The following IP6K1 variants were observed in gnomAD, a reference collection of about 807,000 sequenced individuals.
IP6K1 encodes ATP:1D-myo-inositol-hexakisphosphate phosphotransferase.
A neutral mutation model predicts 38.3 loss-of-function variants in IP6K1; 13 were observed. The ratio of observed to expected loss-of-function variants is 0.34; its 90% confidence interval spans 0.22 to 0.54. The LOEUF (loss-of-function observed/expected upper bound fraction) is 0.54, where lower values mean the gene tolerates loss of function less well. Ranked by LOEUF, IP6K1 falls within the 20% of genes least tolerant of loss-of-function variation. The probability of loss-of-function intolerance (pLI) is 0.92; values close to 1 mark genes in which losing one functional copy is unlikely to be tolerated. For synonymous variants in IP6K1, 212 were observed against 229.9 expected (o/e 0.92, Z 0.70); for missense variants, 397 against 599.8 (o/e 0.66, Z 3.53).
At chr3:49,732,232 C>T (rs2080568721) in intron 4 of IP6K1, among the ~76,000 whole-genome samples, 1 of 152,126 alleles carries the variant, frequency 6.6e-6, no homozygotes, top group South Asian at 2.1e-4. Flanking sequence ...GCCCAGCTAT[C>T]TTTAACATTT....
intron 1 of IP6K1, among the ~76,000 whole-genome samples, chr3:49,777,962 A>T (rs1305428191): frequency 6.6e-6 from 1 of 152,114 alleles, no homozygotes; most frequent in Non-Finnish European, 1.5e-5. Flanking sequence ...GTCAAAGATC[A>T]GAGATCAGCT....
At chr3:49,736,978 T>C (rs1161369521) in intron 3 of IP6K1, among the ~76,000 whole-genome samples, 1 of 151,934 alleles carries the variant, frequency 6.6e-6, no homozygotes, top group Non-Finnish European at 1.5e-5. Flanking sequence ...TTCACCGTGT[T>C]AGCCAGGATG....
At chr3:49,757,651 C>T (rs372790568) in intron 1 of IP6K1, among the ~76,000 whole-genome samples, 2 of 152,100 alleles carry the variant, frequency 1.3e-5, no homozygotes, top group East Asian at 1.9e-4. Flanking sequence ...GCCTGGAAGG[C>T]GGAGGTTGCA....
intron 1 of IP6K1, among the ~76,000 whole-genome samples, chr3:49,771,188 C>CAAAAAAAA (rs35601566): frequency 1.7e-4 from 12 of 72,446 alleles, no homozygotes; most frequent in East Asian, 4.8e-4. Flanking sequence ...AACTCAGTAA[C>CAAAAAAAA]AAAAAAAAAA....
intron 3 of IP6K1, among the ~76,000 whole-genome samples, chr3:49,733,911 CT>C (rs2080584058): frequency 6.6e-6 from 1 of 152,190 alleles, no homozygotes; most frequent in Non-Finnish European, 1.5e-5. Context: ...AGGAGGATCA[CT>C]TGAGCCCAGG....
At position 49,725,413 on chromosome 3, in the gene IP6K1, T is replaced by TCC. The variant is rs1407420206; in HGVS notation, c.*1707_*1708dup. 6.6e-6 allele frequency: 1 copy of TCC among 152,144 alleles called. No individual in the cohort carries two copies. Among genetic ancestry groups the TCC allele is most frequent in the African/African-American group, 2.4e-5 (1 of 41,392 alleles). The allele number at this position is 152,144 out of a possible 1,614,324, so 9.4% of individuals were successfully genotyped here. A position where few individuals can be genotyped will look rare whatever the true frequency, so the allele number is the denominator to read the frequency against. On this transcript the variant is annotated 3_prime_UTR_variant, in exon 6 of 6. Coordinates refer to ENST00000321599, the MANE Select transcript of IP6K1 (RefSeq NM_153273.4). Reference sequence around the variant, plus strand: ...TTTGTGACCAGAAACAGGCAAGCTGTCCCTCCCAGCCCCAAAGAATGGGAA... The same window carrying TCC: ...TTTGTGACCAGAAACAGGCAAGCTGTCCCCCTCCCAGCCCCAAAGAATGGGAA...
At chr3:49,743,434 C>G (rs1426055156) in intron 2 of IP6K1, among the ~76,000 whole-genome samples, 2 of 151,816 alleles carry the variant, frequency 1.3e-5, no homozygotes, top group Non-Finnish European at 2.9e-5. Flanking sequence ...AATCTCAGCA[C>G]TATGAGAGGC....
At chr3:49,771,616 G>C (rs1004808261) in intron 1 of IP6K1, among the ~76,000 whole-genome samples, 2 of 152,050 alleles carry the variant, frequency 1.3e-5, no homozygotes, top group East Asian at 3.9e-4. Context: ...TGTAAAAATG[G>C]TACAACCATT....
At chr3:49,740,762 A>C (rs2080659898) in intron 2 of IP6K1, among the ~76,000 whole-genome samples, 1 of 152,090 alleles carries the variant, frequency 6.6e-6, no homozygotes, top group African/African-American at 2.4e-5. Context: ...ATTGATGGAC[A>C]CTTGGGTTGT....
At chr3:49,762,466 C>A (rs1171335481) in intron 1 of IP6K1, among the ~76,000 whole-genome samples, 2 of 152,154 alleles carry the variant, frequency 1.3e-5, no homozygotes, top group East Asian at 3.9e-4. Context: ...AGAAGAATCA[C>A]TTGAACCCGG....
In IP6K1 at chr3:49,741,789, A is replaced by G. The variant is rs1004324257; in HGVS notation, c.224-3367T>C. 7.9e-5 allele frequency among the ~76,000 whole-genome samples: 12 copies of G among 152,224 alleles called. 1 individual carries two copies. Among genetic ancestry groups the G allele is most frequent in the Non-Finnish European group, 1.5e-5 (1 of 68,050 alleles). ...GAGTCCTTCTGATGCTAAGGAAAAAATCCCTTAAAAGGTAAATGAGCCCTG... is the reference window on the plus strand; with the variant it reads ...GAGTCCTTCTGATGCTAAGGAAAAAGTCCCTTAAAAGGTAAATGAGCCCTG... On this transcript the variant is annotated intron_variant, in intron 2 of 5. Transcript: ENST00000321599.
rs1336997156 is a variant in IP6K1, at chr3:49,724,580, T to C, written c.*2542A>G. Reference sequence around the variant, plus strand: ...TCCTTCCCAGGGTTCTCCATTATTTTTTCCTCATTAAAATATATTTTAAGT... The same window carrying C: ...TCCTTCCCAGGGTTCTCCATTATTTCTTCCTCATTAAAATATATTTTAAGT... On this transcript the variant is annotated 3_prime_UTR_variant, in exon 6 of 6. Coordinates refer to ENST00000321599, the MANE Select transcript of IP6K1 (RefSeq NM_153273.4). 6.6e-6 allele frequency: 1 copy of C among 152,474 alleles called. No individual in the cohort carries two copies. Among genetic ancestry groups the C allele is most frequent in the Non-Finnish European group, 1.5e-5 (1 of 68,046 alleles). 9.4% of individuals were successfully genotyped at this position (152,474 alleles called of 1,614,324 possible).
intron 1 of IP6K1, among the ~76,000 whole-genome samples, chr3:49,779,170 C>T (rs1460888400): frequency 4.6e-5 from 7 of 152,162 alleles, no homozygotes; most frequent in Middle Eastern, 3.2e-3. Context: ...CACTAATGTA[C>T]TTTCTGTTTC....
chr3:49,786,092 C>T (rs1257933505), intron 1 of IP6K1: 1 of 152,284 alleles, frequency 6.6e-6, no homozygotes, highest in Admixed American at 6.5e-5. Context: ...TCCAGAGCTT[C>T]GGTCAGAGAA....
intron 1 of IP6K1, among the ~76,000 whole-genome samples, chr3:49,762,779 C>T (rs1232098460): frequency 6.8e-6 from 1 of 148,052 alleles, no homozygotes. Context: ...TCAATTATTG[C>T]TTTTTTTTTT....
At chr3:49,747,669 A>G in intron 2 of IP6K1, 149 bp downstream of exon 2, 1 of 981,380 alleles carries the variant, frequency 1.0e-6, no homozygotes, top group Non-Finnish European at 1.5e-6. Flanking sequence ...TGATGCTTTC[A>G]GCCTCTAATT....
chr3:49,780,340 A>ACACACACACACACACACACCCACACACC (rs1167340701), intron 1 of IP6K1, among the ~76,000 whole-genome samples: 1 of 151,866 alleles, frequency 6.6e-6, no homozygotes, highest in Non-Finnish European at 1.5e-5. Flanking sequence ...ACACACACAC[A>ACACACACACACACACACACCCACACACC]CAGTCTTAGG....
At position 49,727,235 on chromosome 3, in the gene IP6K1, A is replaced by C; in HGVS notation, c.1213T>G (p.Phe405Val). The part of the protein sequence containing the change: ...VRMIDFAHST[F>V]KGFRDDPTVH... ...GTGGGGTCATCCCGGAAGCCCTTGA[A>C]TGTGCTGTGTGCAAAGTCAATCATG... The change falls in exon 6 of 6, where the codon TTC becomes GTC. Residue 405 changes from phenylalanine (F) to valine (V), a missense_variant. Coordinates refer to ENST00000321599, the MANE Select transcript of IP6K1 (RefSeq NM_153273.4). The surrounding 1 kb of genome is among the most constrained non-coding windows in gnomAD (Gnocchi z 5.9). 2 of 1,614,120 alleles carry C rather than the reference A, an allele frequency of 1.2e-6. No individual in the cohort carries two copies. The highest frequency in any genetic ancestry group is 1.7e-6 in the Non-Finnish European group (2 of 1,180,026).
At chr3:49,765,206 G>A (rs2080900825) in intron 1 of IP6K1, among the ~76,000 whole-genome samples, 1 of 151,966 alleles carries the variant, frequency 6.6e-6, no homozygotes, top group South Asian at 2.1e-4. Flanking sequence ...AAAGACTAAG[G>A]GAGTTGCTAA....
Sources: allele counts gnomAD v4.1 joint callset (sites outside exome capture counted in the v4.1 genomes callset), GRCh38; gene constraint gnomAD v4.1.1; non-coding constraint Gnocchi (gnomAD v3.1); transcripts MANE v1.5; gene names NCBI Gene and HGNC (gene_info 2026-07-23, HGNC 2026-07-21).